The following JAM2 variants were observed in gnomAD, a reference collection of about 807,000 sequenced individuals.
JAM2 encodes junctional adhesion molecule 2.
JAM2 carries 17 observed loss-of-function variants against 42.0 expected under a neutral mutation model. That is an observed-to-expected ratio of 0.40 (90% CI 0.28 to 0.61). JAM2 has a LOEUF of 0.61. JAM2 is among the 20% of genes least tolerant of loss of function. JAM2 has a pLI of 0.37. For synonymous variants in JAM2, 118 were observed against 128.6 expected (o/e 0.92, Z 0.56); for missense variants, 319 against 358.3 (o/e 0.89, Z 0.89).
At chr21:25,699,141 C>T (rs1379167890) in intron 5 of JAM2, among the ~76,000 whole-genome samples, 1 of 152,106 alleles carries the variant, frequency 6.6e-6, no homozygotes, top group Non-Finnish European at 1.5e-5. Context: ...GCTCCTGAAA[C>T]AAAGGAGCAA....
At chr21:25,657,547 A>G (rs1601000150) in intron 1 of JAM2, among the ~76,000 whole-genome samples, 1 of 152,208 alleles carries the variant, frequency 6.6e-6, no homozygotes, top group Non-Finnish European at 1.5e-5. Flanking sequence ...CCTTATATCT[A>G]ACCACAAACG....
intron 6 of JAM2, among the ~76,000 whole-genome samples, chr21:25,705,075 T>C (rs533453024): frequency 6.6e-6 from 1 of 152,232 alleles, no homozygotes; most frequent in South Asian, 2.1e-4. Flanking sequence ...CCTCAGAGAA[T>C]TTAATTCATT....
At chr21:25,666,405 A>C (rs1424033904) in intron 1 of JAM2, among the ~76,000 whole-genome samples, 1 of 151,184 alleles carries the variant, frequency 6.6e-6, no homozygotes, top group East Asian at 2.0e-4. Flanking sequence ...GCTCACTGCA[A>C]CCTCTGCCTC....
chr21:25,643,773 G>A (rs2032518324), intron 1 of JAM2: 1 of 152,176 alleles, frequency 6.6e-6, no homozygotes, highest in South Asian at 2.1e-4. Flanking sequence ...CCTGAGCACA[G>A]TGAGTTCCCT....
chr21:25,675,389 G>A (rs895607123), intron 1 of JAM2, among the ~76,000 whole-genome samples: 8 of 152,028 alleles, frequency 5.3e-5, no homozygotes, highest in Non-Finnish European at 8.8e-5. Flanking sequence ...CCAGCTACTC[G>A]GGAGGCCGAA....
chr21:25,713,347 G>A (rs969136579), intron 9 of JAM2, among the ~76,000 whole-genome samples: 1 of 152,146 alleles, frequency 6.6e-6, no homozygotes, highest in African/African-American at 2.4e-5. Flanking sequence ...CATTGATGCA[G>A]CAAATACCAT....
At position 25,639,574 on chromosome 21, in the gene JAM2, AC is replaced by A; in HGVS notation, c.-243del. On this transcript the variant is annotated 5_prime_UTR_variant, in exon 1 of 10. Transcript: ENST00000480456. ...CTGGTTTTCACGCCCTCTAGCCCCT[AC>A]CCCCACACCCCCAAAACAGAACAGA... 1 of 407,024 alleles carries A rather than the reference AC, an allele frequency of 2.5e-6. No homozygotes were observed. The highest frequency in any genetic ancestry group is 3.9e-5 in the East Asian group (1 of 25,916). 25.2% of individuals were successfully genotyped at this position (407,024 alleles called of 1,614,324 possible). A position where few individuals can be genotyped will look rare whatever the true frequency, so the allele number is the denominator to read the frequency against.
In JAM2 at chr21:25,673,999, A is replaced by T. The variant is rs183445563; in HGVS notation, c.68-9884A>T. On this transcript the variant is annotated intron_variant, in intron 1 of 9. Transcript: ENST00000480456. ...TTTGCTTGGCTCTCATTCTCTCTTG[A>T]CTGCCGCCATGTAAGATGTGCCTTT... Among the ~76,000 whole-genome samples the T allele has an allele frequency of 2.9e-3, 447 of 152,216 alleles. 3 individuals carry two copies. The highest frequency in any genetic ancestry group is 9.5e-3 in the South Asian group (46 of 4,824).
At chr21:25,713,512 C>T (rs2829876) in intron 9 of JAM2, among the ~76,000 whole-genome samples, 14,628 of 138,194 alleles carry the variant, frequency 0.11, 794 homozygotes, top group Middle Eastern at 0.16. Context: ...AAATGCTTTA[C>T]TCATCTATGG....
At chr21:25,658,205 A>G (rs2032990334) in intron 1 of JAM2, among the ~76,000 whole-genome samples, 1 of 152,158 alleles carries the variant, frequency 6.6e-6, no homozygotes, top group African/African-American at 2.4e-5. Flanking sequence ...ATAGAAATTG[A>G]TAAAATGCAG....
In JAM2 at chr21:25,693,862, G is replaced by T. The variant is rs2033937484; in HGVS notation, c.348G>T (p.Glu116Asp). The change falls in exon 4 of 10, where the codon GAG becomes GAT. Residue 116 changes from glutamate to aspartate, a missense_variant. Glu to Asp is a conservative substitution (Grantham distance 45). Transcript: ENST00000480456. ...KYRCEVSAPS[E>D]QGQNLEEDTV... is the part of the protein sequence containing the mutation. The stretch of plus-strand genomic sequence containing the variant: ...GTTGTGAAGTTAGTGCCCCATCTGA[G>T]CAAGGCCAAAACCTGGAAGAGGATA... 1 of 1,614,230 alleles carries T rather than the reference G, an allele frequency of 6.2e-7. No homozygotes were observed. The highest frequency in any genetic ancestry group is 2.2e-5 in the East Asian group (1 of 44,888).
intron 8 of JAM2, among the ~76,000 whole-genome samples, chr21:25,711,837 A>C (rs2034389979): frequency 6.6e-6 from 1 of 152,198 alleles, no homozygotes; most frequent in African/African-American, 2.4e-5. Context: ...TATCTCTAGC[A>C]AATCAAGTAG....
At chr21:25,698,907 T>A (rs1488000941) in intron 5 of JAM2, 28 bp downstream of exon 5, 1 of 1,574,318 alleles carries the variant, frequency 6.4e-7, no homozygotes, top group South Asian at 1.1e-5. Flanking sequence ...TTTGACTTGA[T>A]AACTGTCTTG....
At chr21:25,644,461 C>T (rs1259418853) in intron 1 of JAM2, among the ~76,000 whole-genome samples, 2 of 152,104 alleles carry the variant, frequency 1.3e-5, no homozygotes, top group Admixed American at 6.5e-5. Context: ...CAGGCTGCCA[C>T]CTGTCCCCAC....
At chr21:25,661,516 G>T (rs987217500) in intron 1 of JAM2, among the ~76,000 whole-genome samples, 2 of 151,282 alleles carry the variant, frequency 1.3e-5, no homozygotes, top group African/African-American at 4.9e-5. Context: ...GTCTTCTAGT[G>T]TACTCACGTA....
At chr21:25,654,874 C>G (rs2032887010) in intron 1 of JAM2, among the ~76,000 whole-genome samples, 1 of 151,970 alleles carries the variant, frequency 6.6e-6, no homozygotes, top group Non-Finnish European at 1.5e-5. Flanking sequence ...GTTTCTGCAA[C>G]AAGTCAGTGG....
At chr21:25,655,285 TA>T (rs1250302090) in intron 1 of JAM2, among the ~76,000 whole-genome samples, 1 of 149,578 alleles carries the variant, frequency 6.7e-6, no homozygotes, top group Non-Finnish European at 1.5e-5. Flanking sequence ...ATTTTCTTAA[TA>T]AAAAACTATT....
chr21:25,654,627 A>G (rs910086543), intron 1 of JAM2, among the ~76,000 whole-genome samples: 3 of 149,586 alleles, frequency 2.0e-5, no homozygotes, highest in Non-Finnish European at 4.4e-5. Context: ...TAGCCTGGGC[A>G]ACAGAGTGAG....
At chr21:25,673,453 T>C (rs972325085) in intron 1 of JAM2, among the ~76,000 whole-genome samples, 6 of 152,228 alleles carry the variant, frequency 3.9e-5, no homozygotes, top group Non-Finnish European at 5.9e-5. Flanking sequence ...CATAAAACTT[T>C]TGTGCATAAA....
Sources: gnomAD v4.1 joint callset for allele counts (sites outside exome capture counted in the v4.1 genomes callset) on GRCh38, gnomAD v4.1.1 for gene constraint, MANE v1.5 for transcripts, NCBI Gene and HGNC (gene_info 2026-07-23, HGNC 2026-07-21) for gene names.